The following CFAP47 variants were observed in gnomAD, a reference collection of about 807,000 sequenced individuals.
CFAP47 encodes the protein cilia and flagella associated protein 47, also known as cilia- and flagella-associated protein 47.
Under a neutral mutation model 148.1 loss-of-function variants are expected in CFAP47, and 29 were observed. The ratio of observed to expected loss-of-function variants is 0.20; its 90% CI spans 0.15 to 0.27. The LOEUF is 0.27. Among genes scored for constraint, CFAP47 ranks in the 10% least tolerant of loss-of-function variants. The probability of loss-of-function intolerance (pLI) is 1.00; values close to 1 mark genes in which losing one functional copy is unlikely to be tolerated. For missense variants in CFAP47, 1,872 were observed against 1,697.5 expected, an observed-to-expected ratio of 1.10 and a Z score of -1.81; for synonymous variants, 664 against 577.3, an observed-to-expected ratio of 1.15 and a Z score of -2.15.
chrX:36,307,001 A>T, intron 55 of CFAP47, 125 bp downstream of exon 55: 1 of 318,836 alleles, frequency 3.1e-6, no homozygotes, highest in South Asian at 9.1e-5. Flanking sequence ...TTATAAGTTA[A>T]TTAAATGATT....
intron 51 of CFAP47, among the ~76,000 whole-genome samples, chrX:36,290,080 G>A (rs1941179082): frequency 1.1e-5 from 1 of 94,259 alleles, no homozygotes; most frequent in African/African-American, 4.1e-5. Flanking sequence ...CCCGCCCCTC[G>A]CCCCCGCACC....
At chrX:36,284,353 A>AT (rs1256048969) in intron 50 of CFAP47, among the ~76,000 whole-genome samples, 2 of 111,294 alleles carry the variant, frequency 1.8e-5, no homozygotes, top group Non-Finnish European at 3.8e-5. Flanking sequence ...AATTGTAACT[A>AT]TTTTTTTCTC....
intron 62 of CFAP47, among the ~76,000 whole-genome samples, chrX:36,370,281 T>C (rs964797835): frequency 2.5e-5 from 2 of 79,158 alleles, no homozygotes; most frequent in Non-Finnish European, 4.6e-5. Context: ...CCCCAGTGTG[T>C]GATGTTCCCC....
At chrX:36,211,460 A>T (rs782385258) in intron 45 of CFAP47, 1 of 266,597 alleles carries the variant, frequency 3.8e-6, no homozygotes, top group African/African-American at 2.9e-5. Flanking sequence ...CCAAAGGAGA[A>T]CATCCTGTCC....
In CFAP47 at chrX:36,100,152, C is replaced by T. The variant is rs1245352317; in HGVS notation, c.5127+273C>T. On this transcript the variant is annotated intron_variant, in intron 32 of 63. Coordinates refer to ENST00000378653, the MANE Select transcript of CFAP47 (RefSeq NM_001304548.2). ...AAGGAGTACTGGAGGCAAGGAGTTA[C>T]CTTTTAAGGATGTGACCTGTGAAAT... is the stretch of plus-strand genomic sequence containing the variant. 2.7e-5 allele frequency among the ~76,000 whole-genome samples: 3 copies of T among 111,231 alleles called. No individual in the cohort carries two copies. In the Admixed American group the frequency reaches 2.9e-4, roughly 11 times the overall value.
At position 36,378,060 on chromosome X, in the gene CFAP47, A is replaced by G. The variant is rs145536501; in HGVS notation, c.9186-1290A>G. 1.7e-3 allele frequency among the ~76,000 whole-genome samples: 186 copies of G among 111,699 alleles called. 1 individual carries two copies. The highest frequency in any genetic ancestry group is 4.6e-3 in the Middle Eastern group (1 of 217). ...CTGAATCCTTTCTGCATCCTCTCCT[A>G]TGTCTCACTGTTGAATCTGTTTTTG... On this transcript the variant is annotated intron_variant, in intron 62 of 63. Coordinates refer to ENST00000378653, the MANE Select transcript of CFAP47 (RefSeq NM_001304548.2).
At chrX:35,953,830 GA>G (rs1380926655) in intron 7 of CFAP47, 111 bp downstream of exon 7, 14 of 540,703 alleles carry the variant, frequency 2.6e-5, no homozygotes, top group Admixed American at 5.3e-5. Context: ...TTATTGAATA[GA>G]AAAAAAAGCA....
rs938775508 is a variant in CFAP47 at position 36,035,781 on chromosome X, A to G, written c.3738A>G (p.Thr1246=). The change falls in exon 24 of 64, where the codon ACA becomes ACG. Residue 1246 remains threonine (T), a synonymous_variant. Coordinates refer to ENST00000378653, the MANE Select transcript of CFAP47 (RefSeq NM_001304548.2). ...SNTGKLFKDG[T]FKFSVLNGIL... is the part of the protein sequence containing the mutation. ...CTGGCAAACTTTTCAAAGACGGCAC[A>G]TTCAAGTTCAGTGTACTGAATGGGA... is the stretch of plus-strand genomic sequence containing the variant. 3.4e-6 allele frequency: 1 copy of G among 294,661 alleles called. No individual in the cohort carries two copies. Among genetic ancestry groups the G allele is most frequent in the East Asian group, 4.8e-5 (1 of 20,877 alleles). The allele number at this position is 294,661 out of a possible 1,213,427, so 24.3% of individuals were successfully genotyped here. A position where few individuals can be genotyped will look rare whatever the true frequency, so the allele number is the denominator to read the frequency against.
chrX:36,199,915 T>A (rs939433840), intron 42 of CFAP47, among the ~76,000 whole-genome samples: 3 of 111,993 alleles, frequency 2.7e-5, no homozygotes, highest in Non-Finnish European at 5.6e-5. Flanking sequence ...TTTCTACTTC[T>A]GGTCTAATTA....
At chrX:36,108,761 G>A (rs575111271) in intron 33 of CFAP47, among the ~76,000 whole-genome samples, 5 of 107,008 alleles carry the variant, frequency 4.7e-5, no homozygotes, top group Admixed American at 1.0e-4. Context: ...ATACTTCAGC[G>A]CTGTAAACTA....
At chrX:36,077,982 T>C (rs1937898158) in intron 29 of CFAP47, among the ~76,000 whole-genome samples, 2 of 109,927 alleles carry the variant, frequency 1.8e-5, no homozygotes, top group African/African-American at 6.6e-5. Context: ...TGAGCTGAGA[T>C]CGTGCCACTG....
At chrX:36,004,923 A>G (rs1260945328) in intron 21 of CFAP47, among the ~76,000 whole-genome samples, 1 of 111,853 alleles carries the variant, frequency 8.9e-6, no homozygotes, top group Non-Finnish European at 1.9e-5. Flanking sequence ...GTTTGCTGTT[A>G]TAGGTCTGTA....
intron 45 of CFAP47, among the ~76,000 whole-genome samples, chrX:36,215,341 A>G (rs1419458974): frequency 1.8e-5 from 2 of 111,438 alleles, no homozygotes; most frequent in Non-Finnish European, 3.8e-5. Flanking sequence ...ACTTTACTCC[A>G]TGGCCCTAGC....
intron 42 of CFAP47, among the ~76,000 whole-genome samples, chrX:36,198,838 C>T (rs1267763497): frequency 9.0e-6 from 1 of 111,303 alleles, no homozygotes; most frequent in Admixed American, 9.6e-5. Context: ...TTTGGAATGC[C>T]TTTGGCTGGG....
rs60748143 is a variant in CFAP47, at chrX:36,364,901, C to CATATAT, written c.9024-2027_9024-2022dup. ...TGTAACTTAACAGTTATATTTTGTG[C>CATATAT]ATATATATATATATATATATATATA... On this transcript the variant is annotated intron_variant, in intron 61 of 63. Transcript: ENST00000378653. 3.2e-3 allele frequency among the ~76,000 whole-genome samples: 218 copies of CATATAT among 67,313 alleles called. 1 individual carries two copies. Among genetic ancestry groups the CATATAT allele is most frequent in the Non-Finnish European group, 5.3e-3 (174 of 32,671 alleles). The allele number at this position is 67,313 out of a possible 115,157, so 58.5% of individuals were successfully genotyped here. A position where few individuals can be genotyped will look rare whatever the true frequency, so the allele number is the denominator to read the frequency against.
intron 2 of CFAP47, among the ~76,000 whole-genome samples, chrX:35,927,181 T>G (rs1935755855): frequency 9.1e-6 from 1 of 110,147 alleles, no homozygotes; most frequent in African/African-American, 3.3e-5. Flanking sequence ...TTCCCTTTCT[T>G]TTTCATTTCT....
intron 33 of CFAP47, among the ~76,000 whole-genome samples, chrX:36,133,069 C>T (rs1191761449): frequency 9.0e-6 from 1 of 111,317 alleles, no homozygotes; most frequent in Non-Finnish European, 1.9e-5. Context: ...TAGAGCTAGA[C>T]GCCATTAAGA....
chrX:36,375,452 C>A (rs1332443279), intron 62 of CFAP47, among the ~76,000 whole-genome samples: 1 of 111,631 alleles, frequency 9.0e-6, no homozygotes, highest in Non-Finnish European at 1.9e-5. Flanking sequence ...ACATATGATC[C>A]ACCCTGAAAA....
Position 36,303,861 on chromosome X carries a change from G to T in CFAP47, c.7983G>T (p.Gln2661His), listed in dbSNP as rs782799658. Residue 2661 changes from glutamine to histidine, a missense_variant, in exon 54 of 64, where the codon CAG (glutamine) becomes CAT (histidine). Transcript: ENST00000378653. ...IQCDLGKHVT[Q>H]IIPLVNCTHE... The stretch of plus-strand genomic sequence containing the variant: ...TTTTTTCTCCTAGGCATGTCACTCA[G>T]ATCATTCCTTTAGTTAATTGTACGC... 8.9e-7 allele frequency: 1 copy of T among 1,119,607 alleles called. No homozygotes were observed. Among genetic ancestry groups the T allele is most frequent in the South Asian group, 2.1e-5 (1 of 48,379 alleles). 92.3% of individuals were successfully genotyped at this position (1,119,607 alleles called of 1,213,427 possible).
Sources: gnomAD v4.1 joint callset for allele counts (sites outside exome capture counted in the v4.1 genomes callset) on GRCh38, gnomAD v4.1.1 for gene constraint, MANE v1.5 for transcripts, NCBI Gene and HGNC (gene_info 2026-07-23, HGNC 2026-07-21) for gene names.